The following PRKAG2 variants were observed in gnomAD, a reference collection of about 807,000 sequenced individuals.
PRKAG2 encodes the protein protein kinase AMP-activated non-catalytic subunit gamma 2.
In PRKAG2, 26 loss-of-function variants were observed where a neutral mutation model predicts 69.6. The observed-to-expected ratio is 0.37, with a 90% CI of 0.27 to 0.52. The LOEUF is 0.52. Among genes scored for constraint, PRKAG2 ranks in the 20% least tolerant of loss-of-function variants. The pLI, the probability that PRKAG2 is intolerant of heterozygous loss-of-function variation, is 0.90. For missense variants in PRKAG2, 557 were observed against 740.0 expected, an observed-to-expected ratio of 0.75 and a Z score of 2.87; for synonymous variants, 293 against 285.0, an observed-to-expected ratio of 1.03 and a Z score of -0.28.
At chr7:151,859,586 A>T (rs2079867794) in intron 1 of PRKAG2, among the ~76,000 whole-genome samples, 1 of 152,180 alleles carries the variant, frequency 6.6e-6, no homozygotes, top group African/African-American at 2.4e-5. Context: ...GGAGGTGAGT[A>T]ATCTGGCGGC....
Position 151,771,085 on chromosome 7 carries a change from A to T in PRKAG2, c.466+10067T>A, listed in dbSNP as rs2076000026. Among the ~76,000 whole-genome samples, 1 of 152,208 alleles carries T rather than the reference A, an allele frequency of 6.6e-6. No homozygotes were observed. The highest frequency in any genetic ancestry group is 1.5e-5 in the Non-Finnish European group (1 of 68,044). On this transcript the variant is annotated intron_variant, in intron 3 of 15. Transcript: ENST00000287878. The surrounding 1 kb of genome is among the most constrained non-coding windows in gnomAD (Gnocchi z 4.0). ...GTATAGGTTGCTTACAAAAATAACC[A>T]GCCCTCCTCTGTTCCTTACTTCAGG...
chr7:151,848,325 A>G (rs1024557638), intron 1 of PRKAG2, among the ~76,000 whole-genome samples: 3 of 152,116 alleles, frequency 2.0e-5, no homozygotes, highest in Non-Finnish European at 2.9e-5. Flanking sequence ...ATGTGAAGTC[A>G]CAGTGTGCAA....
chr7:151,662,879 A>G (rs1830525635), intron 4 of PRKAG2, among the ~76,000 whole-genome samples: 1 of 152,122 alleles, frequency 6.6e-6, no homozygotes, highest in Non-Finnish European at 1.5e-5. Context: ...TGACAGAGGG[A>G]GAATCTATCT....
chr7:151,727,664 C>G (rs1018104259), intron 3 of PRKAG2, among the ~76,000 whole-genome samples: 5 of 152,084 alleles, frequency 3.3e-5, no homozygotes. Flanking sequence ...CCCTTTCCAT[C>G]AGCCTTAGCT....
chr7:151,694,746 G>A (rs1836306332), intron 3 of PRKAG2, among the ~76,000 whole-genome samples: 1 of 152,254 alleles, frequency 6.6e-6, no homozygotes, highest in Non-Finnish European at 1.5e-5. Flanking sequence ...TCTCCCAAGA[G>A]ATCGCTGCCC....
intron 5 of PRKAG2, among the ~76,000 whole-genome samples, chr7:151,628,862 G>A (rs1208899829): frequency 2.0e-5 from 3 of 152,164 alleles, no homozygotes; most frequent in East Asian, 3.8e-4. Flanking sequence ...TAGCAGGCAC[G>A]GGGGAGAGAA....
intron 4 of PRKAG2, among the ~76,000 whole-genome samples, chr7:151,661,643 T>C (rs1314546193): frequency 6.6e-6 from 1 of 152,196 alleles, no homozygotes; most frequent in African/African-American, 2.4e-5. Flanking sequence ...GGACTTAGAA[T>C]AATAATGCTT....
At chr7:151,728,891 C>T (rs1446519780) in intron 3 of PRKAG2, among the ~76,000 whole-genome samples, 2 of 152,188 alleles carry the variant, frequency 1.3e-5, no homozygotes, top group African/African-American at 2.4e-5. Context: ...AGAGCAGCAG[C>T]TCTGGGTGAC....
intron 1 of PRKAG2, among the ~76,000 whole-genome samples, chr7:151,872,416 T>C (rs2080239132): frequency 6.6e-6 from 1 of 152,212 alleles, no homozygotes; most frequent in Non-Finnish European, 1.5e-5. Context: ...AATGGCTTCT[T>C]AGTTCAGGTC....
At chr7:151,854,792 G>T (rs2079662712) in intron 1 of PRKAG2, among the ~76,000 whole-genome samples, 1 of 152,158 alleles carries the variant, frequency 6.6e-6, no homozygotes, top group African/African-American at 2.4e-5. Context: ...AAGGGAGGCA[G>T]CGGGGGAGTC....
intron 1 of PRKAG2, among the ~76,000 whole-genome samples, chr7:151,847,626 C>T (rs949789846): frequency 2.0e-5 from 3 of 152,198 alleles, no homozygotes; most frequent in African/African-American, 7.2e-5. Context: ...CTTTTCCTTC[C>T]AACACGACGA....
Position 151,781,365 on chromosome 7 carries a change from G to A in PRKAG2, c.253C>T (p.Pro85Ser), listed in dbSNP as rs754570613. ...ACAGGTGCAGACATGGGGCTGGAGGGCCGGGGCTGGGGGCCTCTGGAGAAG... is the reference window on the plus strand; with the variant it reads ...ACAGGTGCAGACATGGGGCTGGAGGACCGGGGCTGGGGGCCTCTGGAGAAG... The part of the protein sequence containing the change: ...GFFSRGPQPR[P>S]SSPMSAPVRP... Residue 85 changes from proline to serine, a missense_variant, in exon 3 of 16, where the codon CCC becomes TCC. Pro to Ser is a moderately conservative substitution (Grantham distance 74, BLOSUM62 -1). Around this residue, in one of 2 missense-constraint regions of PRKAG2, gnomAD observed 352 missense variants for 356.7 expected, o/e 0.99. Coordinates refer to ENST00000287878, the MANE Select transcript of PRKAG2 (RefSeq NM_016203.4). This position sits in a 1 kb window ranked among gnomAD's most constrained non-coding sequence, Gnocchi z 6.1. 6 of 1,613,222 alleles carry A rather than the reference G, an allele frequency of 3.7e-6. No individual in the cohort carries two copies. The highest frequency in any genetic ancestry group is 5.1e-6 in the Non-Finnish European group (6 of 1,179,776).
In PRKAG2 at chr7:151,727,673, C is replaced by T. The variant is rs528820271; in HGVS notation, c.467-52036G>A. Among the ~76,000 whole-genome samples the T allele has an allele frequency of 1.1e-3, 154 of 145,298 alleles. 3 individuals are homozygous for T. Among genetic ancestry groups the T allele is most frequent in the Non-Finnish European group, 8.2e-4 (54 of 65,806 alleles). ...GCCACTCCCTTTCCATCAGCCTTAGCTGTTCTGTGATCAAAACAGGGCTGG... is the reference window on the plus strand; with the variant it reads ...GCCACTCCCTTTCCATCAGCCTTAGTTGTTCTGTGATCAAAACAGGGCTGG... On this transcript the variant is annotated intron_variant, in intron 3 of 15. Transcript: ENST00000287878.
intron 3 of PRKAG2, among the ~76,000 whole-genome samples, chr7:151,727,444 CT>C (rs2151665624): frequency 6.6e-6 from 1 of 152,234 alleles, no homozygotes; most frequent in East Asian, 1.9e-4. Context: ...GGAAGGCAGG[CT>C]GGGGCAGCAG....
chr7:151,618,219 G>A (rs1820621875), intron 5 of PRKAG2, among the ~76,000 whole-genome samples: 2 of 152,088 alleles, frequency 1.3e-5, no homozygotes, highest in Non-Finnish European at 2.9e-5. Flanking sequence ...TTGGGAGGCC[G>A]AGGCAGGCAG....
chr7:151,854,635 T>A (rs947975512), intron 1 of PRKAG2, among the ~76,000 whole-genome samples: 2 of 152,178 alleles, frequency 1.3e-5, no homozygotes, highest in Non-Finnish European at 2.9e-5. Context: ...TTGAGTGACA[T>A]CACCTCAGTT....
At chr7:151,841,170 T>A (rs74415414) in intron 1 of PRKAG2, among the ~76,000 whole-genome samples, 89 of 152,286 alleles carry the variant, frequency 5.8e-4, no homozygotes, top group African/African-American at 2.1e-3. Context: ...TTATTTTTTG[T>A]AGAGACAGGG....
chr7:151,772,194 A>G (rs1013323301), intron 3 of PRKAG2, among the ~76,000 whole-genome samples: 2 of 152,216 alleles, frequency 1.3e-5, no homozygotes, highest in Non-Finnish European at 1.5e-5. Context: ...GAGTCCTTTC[A>G]GGAAATCTGA....
chr7:151,819,442 T>C (rs2078718418), intron 1 of PRKAG2, among the ~76,000 whole-genome samples: 2 of 152,200 alleles, frequency 1.3e-5, no homozygotes, highest in African/African-American at 4.8e-5. Context: ...CTCCAGTCGC[T>C]AGAGACTGCC....
Sources: allele counts gnomAD v4.1 joint callset (sites outside exome capture counted in the v4.1 genomes callset), GRCh38; gene constraint gnomAD v4.1.1; regional missense constraint gnomAD v4.1.1; non-coding constraint Gnocchi (gnomAD v3.1); transcripts MANE v1.5; gene names NCBI Gene and HGNC (gene_info 2026-07-23, HGNC 2026-07-21).